Variants in AR observed in about 807,000 individuals in gnomAD.
AR encodes androgen receptor.
AR carries 8 observed loss-of-function variants against 53.9 expected under a neutral mutation model. The observed-to-expected ratio is 0.15, with a 90% CI of 0.09 to 0.27. The LOEUF is 0.27. AR is among the 10% of genes least tolerant of loss of function. The probability of loss-of-function intolerance (pLI) is 1.00; values close to 1 mark genes in which losing one functional copy is unlikely to be tolerated. For synonymous variants in AR, 359 were observed against 316.4 expected (o/e 1.13, Z -1.43); for missense variants, 639 against 742.5 (o/e 0.86, Z 1.62).
At chrX:67,683,838 G>A (rs2075950510) in intron 2 of AR, among the ~76,000 whole-genome samples, 1 of 109,979 alleles carries the variant, frequency 9.1e-6, no homozygotes, top group Non-Finnish European at 1.9e-5. Flanking sequence ...GAGAAAAGGT[G>A]TGAACTATGC....
intron 1 of AR, among the ~76,000 whole-genome samples, chrX:67,619,329 C>CTGTG (rs1337746485): frequency 9.1e-6 from 1 of 109,451 alleles, no homozygotes; most frequent in African/African-American, 3.3e-5. Flanking sequence ...CTCTCTCTCT[C>CTGTG]TCTGTGTGTG....
At chrX:67,623,459 A>G (rs1030037701) in intron 1 of AR, among the ~76,000 whole-genome samples, 1 of 111,820 alleles carries the variant, frequency 8.9e-6, no homozygotes, top group African/African-American at 3.3e-5. Flanking sequence ...ATGAAAATAC[A>G]TTGTTCCAAA....
intron 1 of AR, among the ~76,000 whole-genome samples, chrX:67,620,904 C>T (rs1924342131): frequency 9.0e-6 from 1 of 111,623 alleles, no homozygotes; most frequent in Non-Finnish European, 1.9e-5. Flanking sequence ...TAAATATTTA[C>T]CACATTTTCC....
chrX:67,607,172 A>T (rs1923668457), intron 1 of AR, among the ~76,000 whole-genome samples: 1 of 110,894 alleles, frequency 9.0e-6, no homozygotes, highest in Non-Finnish European at 1.9e-5. Flanking sequence ...TGGGATTAGA[A>T]TCATGCGCCA....
intron 1 of AR, among the ~76,000 whole-genome samples, chrX:67,556,330 G>C (rs931166893): frequency 1.8e-5 from 2 of 111,171 alleles, no homozygotes; most frequent in African/African-American, 6.6e-5. Context: ...CCTTATAGAT[G>C]GGAAACATGA....
At chrX:67,661,477 G>A (rs1926913121) in intron 2 of AR, among the ~76,000 whole-genome samples, 1 of 111,317 alleles carries the variant, frequency 9.0e-6, no homozygotes. Context: ...ATAATCATGT[G>A]GTTTTTGTCG....
intron 6 of AR, 48 bp from the exon 7 acceptor site, chrX:67,722,779 C>T (rs752888865): frequency 8.3e-7 from 1 of 1,202,054 alleles, no homozygotes; most frequent in Non-Finnish European, 1.1e-6. Context: ...TCTAATGCTC[C>T]TTCGTGGGCA....
At chrX:67,551,630 G>A (rs1215807169) in intron 1 of AR, among the ~76,000 whole-genome samples, 1 of 111,800 alleles carries the variant, frequency 8.9e-6, no homozygotes, top group Non-Finnish European at 1.9e-5. Context: ...CAGGAGGGGT[G>A]CTTAGTGATT....
chrX:67,718,789 G>A (rs1184306758), intron 5 of AR, among the ~76,000 whole-genome samples: 2 of 111,200 alleles, frequency 1.8e-5, no homozygotes, highest in African/African-American at 3.3e-5. Context: ...GCCCGCCACC[G>A]TGTCCATCTA....
intron 1 of AR, among the ~76,000 whole-genome samples, chrX:67,624,904 CAAAAAAAAAAA>C (rs140323582): frequency 8.8e-4 from 16 of 18,183 alleles, no homozygotes; most frequent in East Asian, 4.7e-3. Context: ...GGCAATTAGG[CAAAAAAAAAAA>C]AAAAAAAAAA....
intron 1 of AR, among the ~76,000 whole-genome samples, chrX:67,548,528 A>C (rs968251076): frequency 4.5e-5 from 5 of 111,053 alleles, no homozygotes; most frequent in African/African-American, 1.3e-4. Flanking sequence ...TTGGGGGAAA[A>C]TGTCTAAGGT....
chrX:67,729,642 G>C lies in AR; in HGVS notation c.*5801G>C, dbSNP rs929681535. 1.7e-5 allele frequency: 3 copies of C among 172,672 alleles called. No individual in the cohort carries two copies. Among genetic ancestry groups the C allele is most frequent in the Non-Finnish European group, 3.3e-5 (3 of 90,924 alleles). The allele number at this position is 172,672 out of a possible 1,213,427, so 14.2% of individuals were successfully genotyped here. ...GGAATTAAATGAGAAGCCTTAGAAT[G>C]GGTGGCCCTTGTGACCTGAAACACT... is the stretch of plus-strand genomic sequence containing the variant. On this transcript the variant is annotated 3_prime_UTR_variant, in exon 8 of 8. Transcript: ENST00000374690.
chrX:67,705,496 G>A (rs1176931410), intron 3 of AR, among the ~76,000 whole-genome samples: 1 of 111,731 alleles, frequency 9.0e-6, no homozygotes, highest in Non-Finnish European at 1.9e-5. Flanking sequence ...CATTGATTTT[G>A]TATCCTGAGA....
At chrX:67,561,620 G>A (rs1480465001) in intron 1 of AR, among the ~76,000 whole-genome samples, 2 of 111,559 alleles carry the variant, frequency 1.8e-5, no homozygotes, top group East Asian at 2.8e-4. Context: ...GGGAGTGGGG[G>A]AATGGAACCA....
At chrX:67,688,513 G>A (rs775594693) in intron 3 of AR, among the ~76,000 whole-genome samples, 3 of 111,580 alleles carry the variant, frequency 2.7e-5, no homozygotes, top group South Asian at 3.8e-4. Context: ...AGCACTTCCC[G>A]ATGGCTTTTA....
intron 2 of AR, among the ~76,000 whole-genome samples, chrX:67,662,366 T>C (rs1428352640): frequency 2.7e-5 from 3 of 110,930 alleles, no homozygotes; most frequent in Admixed American, 1.9e-4. Flanking sequence ...GCTTTGAATG[T>C]GTCCCAGAGA....
intron 1 of AR, among the ~76,000 whole-genome samples, chrX:67,550,947 G>C (rs1260822557): frequency 9.6e-6 from 1 of 103,793 alleles, no homozygotes; most frequent in Admixed American, 1.0e-4. Context: ...ATTAACCCCA[G>C]TATCTCTCCC....
intron 1 of AR, among the ~76,000 whole-genome samples, chrX:67,549,183 A>G (rs1475034015): frequency 6.3e-5 from 7 of 111,615 alleles, no homozygotes; most frequent in African/African-American, 2.3e-4. Flanking sequence ...TAGGGATACA[A>G]TTTGGTGAAA....
chrX:67,615,679 T>C (rs1029069277), intron 1 of AR, among the ~76,000 whole-genome samples: 1 of 111,699 alleles, frequency 9.0e-6, no homozygotes, highest in Non-Finnish European at 1.9e-5. Context: ...ACTTAACTTA[T>C]TTAAAATCAA....
Sources: allele counts gnomAD v4.1 joint callset (sites outside exome capture counted in the v4.1 genomes callset), GRCh38; gene constraint gnomAD v4.1.1; transcripts MANE v1.5; gene names NCBI Gene and HGNC (gene_info 2026-07-23, HGNC 2026-07-21).